MEIS1: variants seen among roughly 807,000 people sequenced by gnomAD.
MEIS1 encodes homeobox protein Meis1.
Under a neutral mutation model 50.8 loss-of-function variants are expected in MEIS1, and 5 were observed. That is an observed-to-expected ratio of 0.10 (90% confidence interval 0.05 to 0.21). The LOEUF (loss-of-function observed/expected upper bound fraction) is 0.21, where lower values mean the gene tolerates loss of function less well. MEIS1 is among the 10% of genes least tolerant of loss of function. MEIS1 has a pLI of 1.00. For missense variants in MEIS1, 318 were observed against 517.3 expected (o/e 0.61, Z 3.74); for synonymous variants, 176 against 179.3 (o/e 0.98, Z 0.15).
intron 7 of MEIS1, among the ~76,000 whole-genome samples, chr2:66,498,558 G>A (rs1308492222): frequency 4.6e-5 from 7 of 152,136 alleles, no homozygotes. Context: ...ATTCATCCTG[G>A]CTTGTTCTGA....
intron 6 of MEIS1, among the ~76,000 whole-genome samples, chr2:66,449,375 C>G (rs1205893130): frequency 6.6e-6 from 1 of 152,012 alleles, no homozygotes. Context: ...TTTTGCCATC[C>G]TTAATGTATA....
chr2:66,459,902 G>A (rs1053322222), intron 6 of MEIS1, among the ~76,000 whole-genome samples: 1 of 152,138 alleles, frequency 6.6e-6, no homozygotes, highest in Non-Finnish European at 1.5e-5. Context: ...TTCGCAGGTA[G>A]TTGGACATAC....
At chr2:66,550,464 C>CTGTTTTGTTT (rs56404928) in intron 9 of MEIS1, among the ~76,000 whole-genome samples, 14 of 148,004 alleles carry the variant, frequency 9.5e-5, no homozygotes, top group African/African-American at 3.3e-4. Context: ...AAACCTCTTC[C>CTGTTTTGTTT]TGTTTTGTTT....
At chr2:66,528,463 T>C (rs1176200760) in intron 8 of MEIS1, among the ~76,000 whole-genome samples, 1 of 152,106 alleles carries the variant, frequency 6.6e-6, no homozygotes, top group East Asian at 1.9e-4. Flanking sequence ...CTCCTTGCTG[T>C]CAGCGTCGTC....
intron 4 of MEIS1, chr2:66,440,850 A>C: frequency 1.8e-6 from 1 of 562,508 alleles, no homozygotes. Context: ...TTTGTTTTTT[A>C]TGACAGCCGG....
intron 7 of MEIS1, among the ~76,000 whole-genome samples, chr2:66,497,844 G>A (rs992272072): frequency 6.6e-6 from 1 of 152,178 alleles, no homozygotes; most frequent in Admixed American, 6.5e-5. Context: ...ACTTGTACTA[G>A]TAAAAATTGC....
At chr2:66,545,869 A>C (rs1674777319) in intron 8 of MEIS1, among the ~76,000 whole-genome samples, 2 of 152,358 alleles carry the variant, frequency 1.3e-5, no homozygotes, top group Admixed American at 6.5e-5. Context: ...TTGTGAATGA[A>C]GCAAAGAAAG....
chr2:66,439,354 T>C, intron 2 of MEIS1: 1 of 1,218,562 alleles, frequency 8.2e-7, no homozygotes, highest in African/African-American at 1.6e-5. Context: ...TGGACGTCCT[T>C]TCCCCAAGTT....
At chr2:66,440,047 A>ACCCGCGTG in intron 3 of MEIS1, 63 bp downstream of exon 3, 6 of 1,246,188 alleles carry the variant, frequency 4.8e-6, no homozygotes, top group Non-Finnish European at 6.4e-6. Context: ...TCGCCAACAC[A>ACCCGCGTG]CACGCGCGCG....
At chr2:66,446,387 C>T (rs1672146868) in intron 6 of MEIS1, among the ~76,000 whole-genome samples, 1 of 152,226 alleles carries the variant, frequency 6.6e-6, no homozygotes, top group South Asian at 2.1e-4. Flanking sequence ...TCCAAGAACG[C>T]GTTGGGAGAG....
intron 6 of MEIS1, among the ~76,000 whole-genome samples, chr2:66,444,599 C>T (rs972963489): frequency 2.6e-5 from 4 of 152,202 alleles, no homozygotes; most frequent in Non-Finnish European, 4.4e-5. Flanking sequence ...ACGCAGCGTG[C>T]GCAATCCCAG....
intron 9 of MEIS1, among the ~76,000 whole-genome samples, chr2:66,558,296 A>G (rs1425381426): frequency 2.0e-5 from 3 of 150,154 alleles, no homozygotes; most frequent in African/African-American, 4.9e-5. Flanking sequence ...AAAAAAAAAA[A>G]AAAAAAAAGA....
At position 66,435,755 on chromosome 2, in the gene MEIS1, T is replaced by C; in HGVS notation, c.-102T>C. 1 of 862,324 alleles carries C rather than the reference T, an allele frequency of 1.2e-6. No homozygotes were observed. The highest frequency in any genetic ancestry group is 1.7e-6 in the Non-Finnish European group (1 of 576,674). The allele number at this position is 862,324 out of a possible 1,614,324, so 53.4% of individuals were successfully genotyped here. A position where few individuals can be genotyped will look rare whatever the true frequency, so the allele number is the denominator to read the frequency against. On this transcript the variant is annotated 5_prime_UTR_variant, in exon 1 of 13. Transcript: ENST00000272369. Reference sequence around the variant, plus strand: ...ATTTTTCGTCGTGCTTTTTTTTTTTTTTTTTTTTTTTTCCGGGGGAGTTTG... The same window carrying C: ...ATTTTTCGTCGTGCTTTTTTTTTTTCTTTTTTTTTTTTCCGGGGGAGTTTG...
intron 7 of MEIS1, among the ~76,000 whole-genome samples, chr2:66,465,629 C>T (rs180821597): frequency 1.1e-4 from 16 of 152,300 alleles, no homozygotes; most frequent in Admixed American, 3.9e-4. Context: ...TACATGGGGT[C>T]GCAGCCTAGT....
chr2:66,499,954 G>A (rs756771997), intron 7 of MEIS1, among the ~76,000 whole-genome samples: 1 of 152,216 alleles, frequency 6.6e-6, no homozygotes, highest in Non-Finnish European at 1.5e-5. Context: ...AGCCTGTTAA[G>A]CATTTATATG....
intron 7 of MEIS1, chr2:66,508,891 A>T (rs1673751202): frequency 4.8e-6 from 2 of 413,842 alleles, no homozygotes; most frequent in South Asian, 3.7e-5. Flanking sequence ...TTTTATGATT[A>T]TTTCCACCTT....
At chr2:66,532,154 A>G (rs1247654743) in intron 8 of MEIS1, among the ~76,000 whole-genome samples, 2 of 152,178 alleles carry the variant, frequency 1.3e-5, no homozygotes, top group Non-Finnish European at 2.9e-5. Flanking sequence ...GATAGTCAGT[A>G]TAATGAAGAA....
At chr2:66,475,766 C>A (rs1558532178) in intron 7 of MEIS1, among the ~76,000 whole-genome samples, 1 of 152,228 alleles carries the variant, frequency 6.6e-6, no homozygotes, top group Non-Finnish European at 1.5e-5. Context: ...ACTCCTCTTA[C>A]ATTCCCCAGC....
intron 6 of MEIS1, among the ~76,000 whole-genome samples, chr2:66,450,661 A>G (rs558274980): frequency 7.2e-5 from 11 of 152,188 alleles, no homozygotes; most frequent in South Asian, 6.2e-4. Flanking sequence ...ATTTTAACTC[A>G]TTTAGAAGAT....
Sources: allele counts gnomAD v4.1 joint callset (sites outside exome capture counted in the v4.1 genomes callset), GRCh38; gene constraint gnomAD v4.1.1; transcripts MANE v1.5; gene names NCBI Gene and HGNC (gene_info 2026-07-23, HGNC 2026-07-21).